The following FAM118A variants were observed in gnomAD, a reference collection of about 807,000 sequenced individuals.
FAM118A encodes protein FAM118A.
FAM118A carries 25 observed loss-of-function variants against 38.2 expected under a neutral mutation model. The observed-to-expected ratio is 0.65, with a 90% CI of 0.48 to 0.91. The LOEUF (loss-of-function observed/expected upper bound fraction) is 0.91, where lower values mean the gene tolerates loss of function less well. FAM118A is among the 40% of genes least tolerant of loss of function. FAM118A has a pLI of 0.00. For synonymous variants in FAM118A, 178 were observed against 184.1 expected, an observed-to-expected ratio of 0.97 and a Z score of 0.27; for missense variants, 425 against 463.3, an observed-to-expected ratio of 0.92 and a Z score of 0.76.
rs140512765 is a variant in FAM118A, at chr22:45,338,374, C to CGCA, written c.1054+1964_1054+1966dup. 7.3e-3 allele frequency among the ~76,000 whole-genome samples: 1,118 copies of CGCA among 152,226 alleles called. 13 individuals carry two copies. The highest frequency in any genetic ancestry group is 0.026 in the African/African-American group (1,070 of 41,534). On this transcript the variant is annotated intron_variant, in intron 8 of 8. Transcript: ENST00000441876. ...CCTCCTGAGCAGCTGGGACTACAGT[C>CGCA]GCACACCACCATGCCCGACTAATTT...
At chr22:45,311,775 TG>T (rs1289925504) in intron 1 of FAM118A, among the ~76,000 whole-genome samples, 2 of 151,632 alleles carry the variant, frequency 1.3e-5, no homozygotes, top group East Asian at 3.9e-4. Flanking sequence ...ACCAAGGCGG[TG>T]GTAGTGGGGG....
intron 1 of FAM118A, among the ~76,000 whole-genome samples, chr22:45,316,955 G>A (rs1292674725): frequency 6.6e-6 from 1 of 152,216 alleles, no homozygotes; most frequent in African/African-American, 2.4e-5. Context: ...TGTGTGAGAT[G>A]GATGTAGTTT....
At chr22:45,337,815 G>A in intron 8 of FAM118A, 2 of 985,292 alleles carry the variant, frequency 2.0e-6, no homozygotes, top group South Asian at 4.7e-5. Flanking sequence ...GTCGCCTCCT[G>A]AGGGCCATGT....
In FAM118A at chr22:45,322,411, G is replaced by C. The variant is rs551960980; in HGVS notation, c.32G>C (p.Ser11Thr). 1.4e-5 allele frequency: 22 copies of C among 1,610,394 alleles called. No homozygotes were observed. In the South Asian group the frequency reaches 2.5e-4, roughly 18 times the overall value. Residue 11 changes from serine to threonine, a missense_variant, in exon 2 of 9, where the codon AGT becomes ACT. Coordinates refer to ENST00000441876, the MANE Select transcript of FAM118A (RefSeq NM_017911.4). MDSVEKTTNR[S>T]EQKSRKFLKS... is the part of the protein sequence containing the mutation. ...TCAGTGGAAAAGACAACAAATAGAA[G>C]TGAACAAAAATCCAGGTAATTAAAG...
At chr22:45,318,346 C>T (rs947053937) in intron 1 of FAM118A, 5 of 152,264 alleles carry the variant, frequency 3.3e-5, no homozygotes, top group Admixed American at 3.3e-4. Context: ...GCTCTGGGCC[C>T]ACACACCGTG....
intron 5 of FAM118A, among the ~76,000 whole-genome samples, chr22:45,331,735 A>G (rs770013197): frequency 7.9e-5 from 12 of 152,310 alleles, no homozygotes; most frequent in Non-Finnish European, 1.6e-4. Context: ...TTTCAGTTGC[A>G]TCATTAATAC....
chr22:45,323,489 G>A, intron 3 of FAM118A, 62 bp downstream of exon 3: 16 of 1,576,742 alleles, frequency 1.0e-5, no homozygotes, highest in Non-Finnish European at 1.4e-5. Context: ...GGATGAGTCT[G>A]TGAACCTAAT....
At position 45,341,819 on chromosome 22, in the gene FAM118A, A is replaced by G. The variant is rs545916478; in HGVS notation, c.*1414A>G. On this transcript the variant is annotated 3_prime_UTR_variant, in exon 9 of 9. Transcript: ENST00000441876. Reference sequence around the variant, plus strand: ...CCATTGATGACTCCCATAGGTACAGATAAAGTTAAGAACAGGAAACAGAAG... The same window carrying G: ...CCATTGATGACTCCCATAGGTACAGGTAAAGTTAAGAACAGGAAACAGAAG... 1 of 152,342 alleles carries G rather than the reference A, an allele frequency of 6.6e-6. No individual in the cohort carries two copies. The highest frequency in any genetic ancestry group is 1.9e-4 in the East Asian group (1 of 5,188). The allele number at this position is 152,342 out of a possible 1,614,324, so 9.4% of individuals were successfully genotyped here.
Position 45,327,829 on chromosome 22 carries a change from C to T in FAM118A, c.301-13C>T, listed in dbSNP as rs1435664676. The T allele has an allele frequency of 4.3e-6, 7 of 1,613,884 alleles. No individual in the cohort carries two copies. The highest frequency in any genetic ancestry group is 1.1e-5 in the South Asian group (1 of 91,078). On this transcript the variant is annotated splice_polypyrimidine_tract_variant and intron_variant, in intron 3 of 8. Transcript: ENST00000441876. ...GCTGATGTTTTGGTAACTGTCGTTC[C>T]ACCTTTTTGTAGCGCACAGGCGATG...
At chr22:45,328,789 G>GA (rs886277784) in intron 4 of FAM118A, 5,320 of 205,226 alleles carry the variant, frequency 0.026, no homozygotes, top group South Asian at 0.046. Context: ...AAAAACAAAA[G>GA]AAAAAAAAAA....
intron 1 of FAM118A, among the ~76,000 whole-genome samples, chr22:45,319,164 C>T (rs1033714224): frequency 2.0e-5 from 3 of 152,174 alleles, no homozygotes; most frequent in African/African-American, 7.2e-5. Flanking sequence ...GTTGAAAGAA[C>T]TAGAGGTAGA....
intron 8 of FAM118A, among the ~76,000 whole-genome samples, chr22:45,338,922 T>C (rs1357364562): frequency 2.0e-5 from 3 of 152,122 alleles, no homozygotes; most frequent in African/African-American, 7.2e-5. Flanking sequence ...TCAAGTAAAA[T>C]AAGGCAGTTC....
intron 8 of FAM118A, among the ~76,000 whole-genome samples, chr22:45,339,638 C>T (rs1021597746): frequency 6.6e-6 from 1 of 152,186 alleles, no homozygotes; most frequent in Non-Finnish European, 1.5e-5. Context: ...TACTTTCTTT[C>T]ACGTTCATTG....
chr22:45,328,646 T>C, intron 4 of FAM118A: 1 of 568,324 alleles, frequency 1.8e-6, no homozygotes, highest in South Asian at 2.1e-5. Flanking sequence ...AAAAAAAAAG[T>C]AATAATGGAA....
intron 3 of FAM118A, among the ~76,000 whole-genome samples, chr22:45,327,616 C>T (rs957702425): frequency 2.6e-5 from 4 of 152,202 alleles, no homozygotes; most frequent in African/African-American, 9.7e-5. Flanking sequence ...CCCCTGACAG[C>T]GCCTGCCCCC....
intron 1 of FAM118A, among the ~76,000 whole-genome samples, chr22:45,321,177 C>T (rs1296527830): frequency 1.3e-5 from 2 of 150,908 alleles, no homozygotes; most frequent in Non-Finnish European, 3.0e-5. Context: ...AGTGCAGTGG[C>T]GCGATCTCAG....
intron 1 of FAM118A, chr22:45,318,961 G>GT (rs1450972771): frequency 6.6e-6 from 1 of 152,196 alleles, no homozygotes; most frequent in East Asian, 1.9e-4. Context: ...GGCCTGTTAC[G>GT]TAAGTGTTAG....
intron 1 of FAM118A, chr22:45,322,134 G>A (rs1277896309): frequency 3.5e-6 from 5 of 1,437,984 alleles, no homozygotes; most frequent in Middle Eastern, 1.8e-4. Flanking sequence ...CTTCTGTGCT[G>A]TCCCGTGTAG....
At chr22:45,330,558 A>C in intron 4 of FAM118A, 45 bp from the exon 5 acceptor site, 1 of 1,474,200 alleles carries the variant, frequency 6.8e-7, no homozygotes. Flanking sequence ...TCTGTTTGAA[A>C]CAGTTTGAGG....
Sources: gnomAD v4.1 joint callset for allele counts (sites outside exome capture counted in the v4.1 genomes callset) on GRCh38, gnomAD v4.1.1 for gene constraint, MANE v1.5 for transcripts, NCBI Gene and HGNC (gene_info 2026-07-23, HGNC 2026-07-21) for gene names.